Variants in IQCM observed in about 807,000 individuals in gnomAD.
IQCM encodes the protein IQ motif containing M, also known as IQ domain-containing protein M.
IQCM carries 45 observed loss-of-function variants against 57.6 expected under a neutral mutation model. The observed-to-expected ratio is 0.78, with a 90% CI of 0.62 to 1.00. The LOEUF (loss-of-function observed/expected upper bound fraction) is 1.00, where lower values mean the gene tolerates loss of function less well. IQCM is among the 50% of genes least tolerant of loss of function. The pLI is 0.00. For synonymous variants in IQCM, 148 were observed against 158.9 expected (o/e 0.93, Z 0.51); for missense variants, 468 against 511.6 (o/e 0.91, Z 0.82).
At position 149,400,232 on chromosome 4, in the gene IQCM, T is replaced by C. The variant is rs1732521712; in HGVS notation, c.1390+33164A>G. Among the ~76,000 whole-genome samples, 3 of 152,026 alleles carry C rather than the reference T, an allele frequency of 2.0e-5. No homozygotes were observed. In the South Asian group the frequency reaches 6.2e-4, roughly 32 times the overall value. ...TTTTTTTTTGTTTGGGTTTTTGTTT[T>C]TTCTTTTTGCTTCTTCCTACATCCT... On this transcript the variant is annotated intron_variant, in intron 13 of 13. Transcript: ENST00000636793.
At position 149,697,807 on chromosome 4, in the gene IQCM, A is replaced by G. The variant is rs141704513; in HGVS notation, c.386-11339T>C. Among the ~76,000 whole-genome samples, 15 of 152,232 alleles carry G rather than the reference A, an allele frequency of 9.9e-5. No individual in the cohort carries two copies. The East Asian group carries it at 2.1e-3, about 22-fold the overall frequency. The stretch of plus-strand genomic sequence containing the variant: ...ATGTAAGCTTCACTTATTCACAACT[A>G]TATCATCAATGTCAAGAAGAATGCC... On this transcript the variant is annotated intron_variant, in intron 5 of 13. Transcript: ENST00000636793.
intron 13 of IQCM, among the ~76,000 whole-genome samples, chr4:149,379,427 C>T (rs1375263674): frequency 6.6e-6 from 1 of 152,166 alleles, no homozygotes; most frequent in East Asian, 1.9e-4. Flanking sequence ...AGTGGAGCTG[C>T]CCAAGACCAT....
chr4:149,784,564 C>A (rs917277271), intron 2 of IQCM, among the ~76,000 whole-genome samples: 1 of 152,102 alleles, frequency 6.6e-6, no homozygotes, highest in African/African-American at 2.4e-5. Context: ...TACAGGTGCC[C>A]GCCACTGCGC....
Position 149,726,463 on chromosome 4 carries a change from A to T in IQCM, c.385+6781T>A, listed in dbSNP as rs374854634. ...GACTAATATATTTCCCACTCCCCTG[A>T]TTTGGCTCCTGTTCATTTTCTGCTT... On this transcript the variant is annotated intron_variant, in intron 5 of 13. Transcript: ENST00000636793. 2.6e-5 allele frequency among the ~76,000 whole-genome samples: 4 copies of T among 152,056 alleles called. 1 individual carries two copies. The highest frequency in any genetic ancestry group is 1.9e-4 in the East Asian group (1 of 5,184).
chr4:149,744,888 A>T (rs536531860), intron 2 of IQCM, among the ~76,000 whole-genome samples: 137 of 152,348 alleles, frequency 9.0e-4, no homozygotes, highest in Middle Eastern at 3.4e-3. Context: ...ACATGCAAAA[A>T]GTATGCCAGA....
At chr4:149,623,476 CACTA>C (rs2150077805) in intron 7 of IQCM, among the ~76,000 whole-genome samples, 1 of 152,252 alleles carries the variant, frequency 6.6e-6, no homozygotes, top group African/African-American at 2.4e-5. Context: ...GTAAAGCCTC[CACTA>C]AAATCCTCAA....
At chr4:149,445,837 A>G (rs1736447227) in intron 12 of IQCM, among the ~76,000 whole-genome samples, 1 of 151,798 alleles carries the variant, frequency 6.6e-6, no homozygotes, top group Non-Finnish European at 1.5e-5. Flanking sequence ...TAAAAAAGGA[A>G]TATCATTTTT....
intron 9 of IQCM, among the ~76,000 whole-genome samples, chr4:149,572,525 T>A (rs931212562): frequency 6.6e-6 from 1 of 151,832 alleles, no homozygotes; most frequent in Non-Finnish European, 1.5e-5. Context: ...AAATTTTATA[T>A]CTCTATTAAA....
intron 13 of IQCM, among the ~76,000 whole-genome samples, chr4:149,368,976 G>GTA (rs1229828163): frequency 3.0e-5 from 1 of 33,432 alleles, no homozygotes; most frequent in East Asian, 7.5e-4. Flanking sequence ...ATATATATGT[G>GTA]TATATATATA....
chr4:149,620,895 C>T (rs1215264591), intron 8 of IQCM, among the ~76,000 whole-genome samples: 2 of 152,140 alleles, frequency 1.3e-5, no homozygotes, highest in South Asian at 2.1e-4. Context: ...TTAACCAATG[C>T]TCTTCAAATA....
intron 4 of IQCM, 30 bp from the exon 5 acceptor site, chr4:149,733,538 A>G (rs1024929179): frequency 3.0e-5 from 34 of 1,144,932 alleles, no homozygotes; most frequent in Non-Finnish European, 3.6e-5. Context: ...AGATTTTGGC[A>G]AAATTTAATT....
intron 12 of IQCM, among the ~76,000 whole-genome samples, chr4:149,535,002 C>A (rs558191636): frequency 6.6e-6 from 1 of 152,190 alleles, no homozygotes; most frequent in East Asian, 1.9e-4. Flanking sequence ...GGCTTCACAG[C>A]ATGGAAGCAT....
At chr4:149,786,767 T>C (rs957741895) in intron 2 of IQCM, among the ~76,000 whole-genome samples, 3 of 152,212 alleles carry the variant, frequency 2.0e-5, no homozygotes, top group African/African-American at 7.2e-5. Flanking sequence ...GAAGACAGTA[T>C]GGTGATTCCT....
intron 12 of IQCM, among the ~76,000 whole-genome samples, chr4:149,475,104 TCTGTG>T (rs1450824498): frequency 6.6e-6 from 1 of 152,198 alleles, no homozygotes; most frequent in African/African-American, 2.4e-5. Context: ...TCGAAAATAT[TCTGTG>T]CTGTTAGAGG....
intron 7 of IQCM, among the ~76,000 whole-genome samples, chr4:149,636,694 A>G (rs1757744384): frequency 6.6e-6 from 1 of 152,178 alleles, no homozygotes; most frequent in African/African-American, 2.4e-5. Flanking sequence ...TCTATTCAGC[A>G]TTGTGCTAGA....
At chr4:149,626,430 A>AATCCTTT (rs368164851) in intron 7 of IQCM, among the ~76,000 whole-genome samples, 57,227 of 134,468 alleles carry the variant, frequency 0.43, 13,176 homozygotes, top group South Asian at 0.54. Flanking sequence ...AAGACATACT[A>AATCCTTT]TTTTGCTATC....
intron 13 of IQCM, among the ~76,000 whole-genome samples, chr4:149,383,100 T>TA (rs1731192365): frequency 6.6e-6 from 1 of 151,912 alleles, no homozygotes; most frequent in African/African-American, 2.4e-5. Flanking sequence ...GAAGTCCCCC[T>TA]ATCTGTCCAC....
chr4:149,469,242 T>C (rs1458379311), intron 12 of IQCM, among the ~76,000 whole-genome samples: 2 of 152,080 alleles, frequency 1.3e-5, no homozygotes, highest in East Asian at 3.9e-4. Flanking sequence ...ATTAGACAAA[T>C]GGCTAACTAG....
Position 149,453,019 on chromosome 4 carries a change from T to G in IQCM, c.1229-19462A>C, listed in dbSNP as rs1183698176. On this transcript the variant is annotated intron_variant, in intron 12 of 13. Coordinates refer to ENST00000636793, the MANE Select transcript of IQCM (RefSeq NM_001363507.2). The stretch of plus-strand genomic sequence containing the variant: ...CTGTATCTAAAATAAAAGTAGAAAT[T>G]TTTAAAAAAGGAAATGAGTAAAAAA... 2.0e-5 allele frequency among the ~76,000 whole-genome samples: 3 copies of G among 150,666 alleles called. No individual in the cohort carries two copies. In the East Asian group the frequency reaches 5.8e-4, roughly 29 times the overall value.
Sources: allele counts gnomAD v4.1 joint callset (sites outside exome capture counted in the v4.1 genomes callset), GRCh38; gene constraint gnomAD v4.1.1; transcripts MANE v1.5; gene names NCBI Gene and HGNC (gene_info 2026-07-23, HGNC 2026-07-21).